RTN1: variants seen among roughly 807,000 people sequenced by gnomAD.
RTN1 encodes the protein reticulon 1.
A neutral mutation model predicts 65.5 loss-of-function variants in RTN1; 25 were observed. The observed-to-expected ratio is 0.38, with a 90% CI of 0.28 to 0.53. The LOEUF is 0.53. RTN1 is among the 20% of genes least tolerant of loss of function. RTN1 has a pLI of 0.79. For missense variants in RTN1, 983 were observed against 1,025.4 expected, an observed-to-expected ratio of 0.96 and a Z score of 0.57; for synonymous variants, 471 against 447.6, an observed-to-expected ratio of 1.05 and a Z score of -0.66.
chr14:59,859,818 C>T (rs765041372), intron 1 of RTN1, among the ~76,000 whole-genome samples: 16 of 152,164 alleles, frequency 1.1e-4, no homozygotes, highest in Admixed American at 3.9e-4. Context: ...AGCAAAGAGA[C>T]GGCAACATTT....
intron 3 of RTN1, among the ~76,000 whole-genome samples, chr14:59,724,717 T>C (rs1394600576): frequency 2.2e-5 from 3 of 134,738 alleles, no homozygotes; most frequent in Admixed American, 7.6e-5. Flanking sequence ...TGAAACTCTG[T>C]GTCAGACGAA....
chr14:59,758,450 C>T (rs1017962080), intron 1 of RTN1, among the ~76,000 whole-genome samples: 1 of 152,194 alleles, frequency 6.6e-6, no homozygotes, highest in African/African-American at 2.4e-5. Flanking sequence ...AAAAAACACA[C>T]CTGCTCAAGC....
In RTN1 at chr14:59,605,428, G is replaced by A. The variant is rs1348927024; in HGVS notation, c.2052C>T (p.Asn684=). Residue 684 remains asparagine, a synonymous_variant, in exon 5 of 9, where the codon AAC becomes AAT. Coordinates refer to ENST00000267484, the MANE Select transcript of RTN1 (RefSeq NM_021136.3). ...GCCTCCTCAGTTCCTTAAGTGTGCT[G>A]TTCACGTAGAACTGCAGGCAGTCCG... ...KYTDCLQFYV[N]STLKELRRLF... is the part of the protein sequence containing the mutation. 6.2e-7 allele frequency: 1 copy of A among 1,614,186 alleles called. No homozygotes were observed. The highest frequency in any genetic ancestry group is 8.5e-7 in the Non-Finnish European group (1 of 1,180,012).
At chr14:59,793,913 A>G (rs1886396284) in intron 1 of RTN1, among the ~76,000 whole-genome samples, 1 of 152,128 alleles carries the variant, frequency 6.6e-6, no homozygotes, top group Non-Finnish European at 1.5e-5. Flanking sequence ...CACAGTGCAT[A>G]TACTACACTC....
chr14:59,735,716 G>A (rs562092175), intron 2 of RTN1, among the ~76,000 whole-genome samples: 67 of 152,060 alleles, frequency 4.4e-4, no homozygotes, highest in Non-Finnish European at 6.3e-4. Flanking sequence ...CACACAACAC[G>A]TGGGCACCCA....
intron 1 of RTN1, among the ~76,000 whole-genome samples, chr14:59,800,722 A>G (rs1053222962): frequency 2.0e-5 from 3 of 152,166 alleles, no homozygotes; most frequent in African/African-American, 7.2e-5. Flanking sequence ...TAAAATAATT[A>G]TTTAAACAGA....
chr14:59,820,356 G>GTTTT lies in RTN1; in HGVS notation c.241+50030_241+50033dup, dbSNP rs34274539. On this transcript the variant is annotated intron_variant, in intron 1 of 8. Transcript: ENST00000267484. ...TCTGTAGGCTGTCTGCTTATTGATA[G>GTTTT]TTTTTTTTTTTTTTTTTTTTTTTGC... is the stretch of plus-strand genomic sequence containing the variant. 4.4e-3 allele frequency among the ~76,000 whole-genome samples: 346 copies of GTTTT among 79,222 alleles called. 4 individuals are homozygous for GTTTT. The highest frequency in any genetic ancestry group is 9.7e-3 in the African/African-American group (205 of 21,164). The allele number at this position is 79,222 out of a possible 152,430, so 52.0% of individuals were successfully genotyped here. A position where few individuals can be genotyped will look rare whatever the true frequency, so the allele number is the denominator to read the frequency against.
chr14:59,646,304 G>A (rs947738134), intron 3 of RTN1, among the ~76,000 whole-genome samples: 5 of 152,244 alleles, frequency 3.3e-5, no homozygotes, highest in African/African-American at 1.2e-4. Context: ...TGAGAAATAT[G>A]GGATTATATA....
At chr14:59,718,968 C>T (rs1884594402) in intron 3 of RTN1, among the ~76,000 whole-genome samples, 2 of 152,196 alleles carry the variant, frequency 1.3e-5, no homozygotes, top group Admixed American at 1.3e-4. Context: ...AATGCTACCA[C>T]CTCTCCAAGC....
chr14:59,710,371 AGAG>A (rs1417781562), intron 3 of RTN1, among the ~76,000 whole-genome samples: 1 of 152,228 alleles, frequency 6.6e-6, no homozygotes, highest in African/African-American at 2.4e-5. Flanking sequence ...TTTAAAAAAT[AGAG>A]GAGAGGAGTC....
chr14:59,686,051 C>T (rs771680548), intron 3 of RTN1, among the ~76,000 whole-genome samples: 1 of 152,096 alleles, frequency 6.6e-6, no homozygotes, highest in Non-Finnish European at 1.5e-5. Flanking sequence ...GACAAAGGTG[C>T]CAGAAACACA....
In RTN1 at chr14:59,870,372, C is replaced by A; in HGVS notation, c.241+18G>T. ...CTGGTCCCCGACGCCATTTGAGGGG[C>A]AGCGGCGCCCGCCTTACCTGTGGAT... On this transcript the variant is annotated intron_variant, in intron 1 of 8. Coordinates refer to ENST00000267484, the MANE Select transcript of RTN1 (RefSeq NM_021136.3). This position sits in a 1 kb window ranked among gnomAD's most constrained non-coding sequence, Gnocchi z 5.1. 6.7e-7 allele frequency: 1 copy of A among 1,492,094 alleles called. No individual in the cohort carries two copies. Among genetic ancestry groups the A allele is most frequent in the South Asian group, 1.3e-5 (1 of 76,324 alleles). The allele number at this position is 1,492,094 out of a possible 1,614,324, so 92.4% of individuals were successfully genotyped here.
At chr14:59,818,830 AT>A (rs1346475894) in intron 1 of RTN1, among the ~76,000 whole-genome samples, 2 of 152,196 alleles carry the variant, frequency 1.3e-5, no homozygotes, top group Non-Finnish European at 2.9e-5. Context: ...GACATCTGCT[AT>A]TTTTTGACTT....
chr14:59,864,058 G>T (rs932042507), intron 1 of RTN1, among the ~76,000 whole-genome samples: 1 of 152,134 alleles, frequency 6.6e-6, no homozygotes, highest in African/African-American at 2.4e-5. Context: ...TCAACGCAGT[G>T]ACTAGAGTGA....
At chr14:59,764,139 C>T (rs1885803865) in intron 1 of RTN1, among the ~76,000 whole-genome samples, 1 of 152,078 alleles carries the variant, frequency 6.6e-6, no homozygotes, top group Non-Finnish European at 1.5e-5. Flanking sequence ...CATTGTAACT[C>T]AGGCCAGAGG....
intron 1 of RTN1, among the ~76,000 whole-genome samples, chr14:59,844,937 G>A (rs529437132): frequency 1.3e-5 from 2 of 151,924 alleles, no homozygotes; most frequent in East Asian, 1.9e-4. Context: ...TAATATTTAC[G>A]GATGACAAAT....
intron 1 of RTN1, among the ~76,000 whole-genome samples, chr14:59,856,834 T>C (rs565977499): frequency 1.1e-4 from 16 of 152,244 alleles, no homozygotes; most frequent in Non-Finnish European, 2.2e-4. Flanking sequence ...TAGTACCTTA[T>C]AGATACAGAG....
intron 1 of RTN1, among the ~76,000 whole-genome samples, chr14:59,855,648 G>C (rs1477652747): frequency 6.6e-6 from 1 of 152,026 alleles, no homozygotes; most frequent in Non-Finnish European, 1.5e-5. Context: ...ATTAAAATCT[G>C]GACAGTTTTG....
rs1174762846 is a variant in RTN1 at position 59,825,308 on chromosome 14, T to G, written c.241+45082A>C. Among the ~76,000 whole-genome samples, 2 of 152,204 alleles carry G rather than the reference T, an allele frequency of 1.3e-5. No homozygotes were observed. The highest frequency in any genetic ancestry group is 2.9e-5 in the Non-Finnish European group (2 of 68,028). On this transcript the variant is annotated intron_variant, in intron 1 of 8. Transcript: ENST00000267484. The surrounding 1 kb of genome is among the most constrained non-coding windows in gnomAD (Gnocchi z 4.2). Reference sequence around the variant, plus strand: ...TTAGCTCACCATCTTGTATCTGACCTCTGGGTTACCTGGTCTATGGCCTTT... The same window carrying G: ...TTAGCTCACCATCTTGTATCTGACCGCTGGGTTACCTGGTCTATGGCCTTT...
Sources: allele counts gnomAD v4.1 joint callset (sites outside exome capture counted in the v4.1 genomes callset), GRCh38; gene constraint gnomAD v4.1.1; non-coding constraint Gnocchi (gnomAD v3.1); transcripts MANE v1.5; gene names NCBI Gene and HGNC (gene_info 2026-07-23, HGNC 2026-07-21).